EVC: variants seen among roughly 807,000 people sequenced by gnomAD.
EVC encodes EvC ciliary complex subunit 1.
In EVC, 116 loss-of-function variants were observed where a neutral mutation model predicts 118.9. The ratio of observed to expected loss-of-function variants is 0.98; its 90% CI spans 0.84 to 1.14. The LOEUF (loss-of-function observed/expected upper bound fraction) is 1.14, where lower values mean the gene tolerates loss of function less well. Among genes scored for constraint, EVC ranks in the 50% most tolerant of loss-of-function variants. The pLI is 0.00. For missense variants in EVC, 1,401 were observed against 1,246.4 expected (o/e 1.12, Z -1.87); for synonymous variants, 619 against 534.7 (o/e 1.16, Z -2.18).
At chr4:5,794,253 A>G (rs955111422) in intron 13 of EVC, among the ~76,000 whole-genome samples, 12 of 30,500 alleles carry the variant, frequency 3.9e-4, no homozygotes, top group Admixed American at 3.8e-3. Flanking sequence ...ATATATATTT[A>G]TATGTATTTA....
intron 3 of EVC, 112 bp downstream of exon 3, chr4:5,729,502 T>A: frequency 9.4e-7 from 1 of 1,060,050 alleles, no homozygotes; most frequent in Non-Finnish European, 1.5e-6. Flanking sequence ...TTGAGGGTTT[T>A]ATGGCAAGTC....
At chr4:5,736,807 C>A (rs1380564222) in intron 5 of EVC, among the ~76,000 whole-genome samples, 5 of 152,182 alleles carry the variant, frequency 3.3e-5, no homozygotes, top group African/African-American at 4.8e-5. Context: ...GCCATTCCCT[C>A]TCCTTGGGCC....
rs553285152 is a variant in EVC at position 5,772,707 on chromosome 4, T to C, written c.1564-10845T>C. Among the ~76,000 whole-genome samples the C allele has an allele frequency of 2.6e-5, 4 of 152,178 alleles. No homozygotes were observed. In the East Asian group the frequency reaches 5.8e-4, roughly 22 times the overall value. ...GGATCCACCTGTCCAGCCTGGCCCA[T>C]GAGGTCCACACAACCTGGCCCACTC... is the stretch of plus-strand genomic sequence containing the variant. On this transcript the variant is annotated intron_variant, in intron 11 of 20. Coordinates refer to ENST00000264956, the MANE Select transcript of EVC (RefSeq NM_153717.3).
At position 5,714,916 on chromosome 4, in the gene EVC, C is replaced by T. The variant is rs568842557; in HGVS notation, c.174+3362C>T. Reference sequence around the variant, plus strand: ...ACCTCTTGGGCTCAGGTGATCCTCCCGCCTCAGCCTCCCAAGTAGCTGGGA... The same window carrying T: ...ACCTCTTGGGCTCAGGTGATCCTCCTGCCTCAGCCTCCCAAGTAGCTGGGA... On this transcript the variant is annotated intron_variant, in intron 1 of 20. Transcript: ENST00000264956. 2.3e-4 allele frequency among the ~76,000 whole-genome samples: 35 copies of T among 152,074 alleles called. No homozygotes were observed. The South Asian group carries it at 5.2e-3, about 23-fold the overall frequency.
the EVC span, among the ~76,000 whole-genome samples, chr4:5,823,681 G>A: frequency 2.0e-5 from 3 of 152,190 alleles, no homozygotes; most frequent in South Asian, 4.1e-4. Flanking sequence ...TGTGATCTCT[G>A]CACACGCTAG....
intron 3 of EVC, among the ~76,000 whole-genome samples, chr4:5,730,092 C>T (rs984061350): frequency 1.3e-5 from 2 of 152,192 alleles, no homozygotes; most frequent in Non-Finnish European, 2.9e-5. Flanking sequence ...AGTCCTAACC[C>T]CATCTCAGCC....
chr4:5,736,751 A>G (rs1184153208), intron 5 of EVC, among the ~76,000 whole-genome samples: 1 of 152,164 alleles, frequency 6.6e-6, no homozygotes, highest in Non-Finnish European at 1.5e-5. Context: ...GAGACAACAA[A>G]CTTAATTAAT....
chr4:5,824,875 T>C, the EVC span: 2 of 985,276 alleles, frequency 2.0e-6, no homozygotes, highest in East Asian at 2.3e-4. Flanking sequence ...AAATCACAGA[T>C]ACACTGCCCT....
At chr4:5,752,567 C>CG in intron 8 of EVC, 1 of 555,178 alleles carries the variant, frequency 1.8e-6, no homozygotes, top group Non-Finnish European at 3.2e-6. Flanking sequence ...AGGAGGGTGG[C>CG]CCTCTGGGGA....
chr4:5,809,114 G>A (rs1716482006), intron 18 of EVC, among the ~76,000 whole-genome samples: 1 of 152,214 alleles, frequency 6.6e-6, no homozygotes, highest in Admixed American at 6.5e-5. Context: ...GCTATCCAGG[G>A]TCACACAGTT....
chr4:5,824,633 T>C, the EVC span: 16 of 955,288 alleles, frequency 1.7e-5, no homozygotes, highest in Non-Finnish European at 1.9e-5. Flanking sequence ...AGTTTGTACA[T>C]TTTCAAATGG....
Position 5,743,655 on chromosome 4 carries a change from A to G in EVC, c.802-1549A>G, listed in dbSNP as rs1210227410. Among the ~76,000 whole-genome samples the G allele has an allele frequency of 6.6e-6, 1 of 152,144 alleles. No individual in the cohort carries two copies. On this transcript the variant is annotated intron_variant, in intron 6 of 20. Transcript: ENST00000264956. The surrounding 1 kb of genome is among the most constrained non-coding windows in gnomAD (Gnocchi z 4.7). Reference sequence around the variant, plus strand: ...TTTCTTCTTTACTCCACTGGATTCCATGAGGAAGGATGACTCACTGCATCC... The same window carrying G: ...TTTCTTCTTTACTCCACTGGATTCCGTGAGGAAGGATGACTCACTGCATCC...
At chr4:5,821,741 C>A in the EVC span, 15 of 1,593,228 alleles carry the variant, frequency 9.4e-6, no homozygotes, top group East Asian at 3.4e-4. This position sits in a 1 kb window ranked among gnomAD's most constrained non-coding sequence, Gnocchi z 4.4. Context: ...TTCAGGCTAG[C>A]TCCTCCGCGC....
rs1419714735 is a variant in EVC at position 5,811,129 on chromosome 4, G to A, written c.*92G>A. 14 of 1,009,790 alleles carry A rather than the reference G, an allele frequency of 1.4e-5. No individual in the cohort carries two copies. Among genetic ancestry groups the A allele is most frequent in the African/African-American group, 4.8e-5 (3 of 62,736 alleles). 62.6% of individuals were successfully genotyped at this position (1,009,790 alleles called of 1,614,324 possible). A position where few individuals can be genotyped will look rare whatever the true frequency, so the allele number is the denominator to read the frequency against. On this transcript the variant is annotated 3_prime_UTR_variant, in exon 21 of 21. Transcript: ENST00000264956. Reference sequence around the variant, plus strand: ...TGCAGTGCTGAGAGGCAGCGAGGACGGAGAGGACAGCGGCATCTCTAGGCT... The same window carrying A: ...TGCAGTGCTGAGAGGCAGCGAGGACAGAGAGGACAGCGGCATCTCTAGGCT...
chr4:5,716,230 TA>T (rs1170228154), intron 1 of EVC, among the ~76,000 whole-genome samples: 2 of 152,236 alleles, frequency 1.3e-5, no homozygotes, highest in African/African-American at 4.8e-5. Context: ...GTGAGGTTTT[TA>T]AAGGTAGAGG....
intron 2 of EVC, among the ~76,000 whole-genome samples, chr4:5,720,446 T>C (rs1230857704): frequency 6.6e-6 from 1 of 152,152 alleles, no homozygotes; most frequent in South Asian, 2.1e-4. Flanking sequence ...AGGCCCCTGC[T>C]CCAGAGTGCT....
intron 12 of EVC, among the ~76,000 whole-genome samples, chr4:5,786,086 C>A (rs866758785): frequency 1.3e-5 from 2 of 152,210 alleles, no homozygotes; most frequent in Non-Finnish European, 2.9e-5. Flanking sequence ...GGCTGTGTGA[C>A]TTTAGCCAGT....
the EVC span, chr4:5,821,870 C>T: frequency 2.5e-5 from 38 of 1,538,010 alleles, no homozygotes; most frequent in South Asian, 4.8e-5. This position sits in a 1 kb window ranked among gnomAD's most constrained non-coding sequence, Gnocchi z 4.4. Context: ...GAGCGCCAAT[C>T]GCTGCTGGAT....
chr4:5,775,006 A>G (rs1734507469), intron 11 of EVC, among the ~76,000 whole-genome samples: 4 of 152,178 alleles, frequency 2.6e-5, no homozygotes. Context: ...AAGGAGCCTA[A>G]GCTAATGGAC....
Sources: allele counts gnomAD v4.1 joint callset (sites outside exome capture counted in the v4.1 genomes callset), GRCh38; gene constraint gnomAD v4.1.1; non-coding constraint Gnocchi (gnomAD v3.1); transcripts MANE v1.5; gene names NCBI Gene and HGNC (gene_info 2026-07-23, HGNC 2026-07-21).